TUSC3: variants seen among roughly 807,000 people sequenced by gnomAD.
TUSC3 encodes the protein tumor suppressor candidate 3, also known as dolichyl-diphosphooligosaccharide--protein glycosyltransferase subunit TUSC3.
A neutral mutation model predicts 44.8 loss-of-function variants in TUSC3; 45 were observed. The observed-to-expected ratio is 1.00, with a 90% confidence interval of 0.79 to 1.29. The LOEUF (loss-of-function observed/expected upper bound fraction) is 1.29, where lower values mean the gene tolerates loss of function less well. TUSC3 is among the 50% of genes most tolerant of loss of function. The pLI is 0.00. For synonymous variants in TUSC3, 212 were observed against 152.9 expected, an observed-to-expected ratio of 1.39 and a Z score of -2.85; for missense variants, 519 against 437.9, an observed-to-expected ratio of 1.19 and a Z score of -1.65.
intron 10 of TUSC3, among the ~76,000 whole-genome samples, chr8:15,760,708 C>G (rs778668447): frequency 6.6e-6 from 1 of 152,184 alleles, no homozygotes; most frequent in Non-Finnish European, 1.5e-5. Flanking sequence ...TGCACTACGA[C>G]AGTTCAGCTG....
chr8:15,498,664 T>C (rs1360536129), intron 2 of TUSC3, among the ~76,000 whole-genome samples: 1 of 152,212 alleles, frequency 6.6e-6, no homozygotes, highest in Non-Finnish European at 1.5e-5. Context: ...CCAGTTGCCT[T>C]CTTAGTCAAG....
At chr8:15,807,893 G>A in the TUSC3 span, among the ~76,000 whole-genome samples, 2 of 152,174 alleles carry the variant, frequency 1.3e-5, no homozygotes, top group African/African-American at 2.4e-5. Flanking sequence ...AGCAAGAGTT[G>A]CAAACCTAAC....
chr8:15,769,094 C>CA (rs527919401), downstream of TUSC3, among the ~76,000 whole-genome samples: 2,352 of 151,372 alleles, frequency 0.016, 29 homozygotes, highest in Non-Finnish European at 0.02. Context: ...CATGTGGAAC[C>CA]AAAAAAAAGC....
chr8:15,606,874 A>G (rs1164393615), intron 1 of TUSC3, among the ~76,000 whole-genome samples: 1 of 152,074 alleles, frequency 6.6e-6, no homozygotes, highest in African/African-American at 2.4e-5. Flanking sequence ...ATCCCTTGGT[A>G]CAGTTTTAAC....
intron 2 of TUSC3, among the ~76,000 whole-genome samples, chr8:15,504,524 C>G (rs900179002): frequency 1.1e-4 from 15 of 135,362 alleles, no homozygotes; most frequent in African/African-American, 4.1e-4. Context: ...CTTTAGGTTG[C>G]CAAACAGAAT....
intron 6 of TUSC3, among the ~76,000 whole-genome samples, chr8:15,719,892 C>T (rs1326896436): frequency 6.6e-6 from 1 of 152,026 alleles, no homozygotes; most frequent in Non-Finnish European, 1.5e-5. Context: ...TTCTGTTAAA[C>T]ATGAGTATTG....
chr8:15,680,749 T>G (rs2129185489), intron 6 of TUSC3, among the ~76,000 whole-genome samples: 1 of 152,232 alleles, frequency 6.6e-6, no homozygotes, highest in Non-Finnish European at 1.5e-5. Context: ...CTCTTACTAT[T>G]TTGAAGTATA....
intron 6 of TUSC3, among the ~76,000 whole-genome samples, chr8:15,692,061 G>A (rs963794791): frequency 2.5e-4 from 38 of 152,130 alleles, no homozygotes; most frequent in Admixed American, 4.6e-4. Flanking sequence ...GATTTCAATC[G>A]TGAGCCACCA....
the TUSC3 span, among the ~76,000 whole-genome samples, chr8:15,831,932 A>G: frequency 1.3e-5 from 2 of 152,166 alleles, no homozygotes; most frequent in African/African-American, 4.8e-5. Context: ...CAAATTCAGG[A>G]AATGGAGAGA....
intron 2 of TUSC3, among the ~76,000 whole-genome samples, chr8:15,649,373 A>G (rs1051985967): frequency 2.0e-5 from 3 of 151,772 alleles, no homozygotes; most frequent in African/African-American, 7.3e-5. Flanking sequence ...TCACGAGGTC[A>G]GGAGATCGAG....
chr8:15,691,227 C>A (rs1054821639), intron 6 of TUSC3, among the ~76,000 whole-genome samples: 1 of 151,940 alleles, frequency 6.6e-6, no homozygotes, highest in Non-Finnish European at 1.5e-5. Context: ...CTTTTACCTC[C>A]CTGATAACCT....
At chr8:15,532,925 C>T (rs564564299) in intron 2 of TUSC3, among the ~76,000 whole-genome samples, 20 of 152,176 alleles carry the variant, frequency 1.3e-4, no homozygotes, top group Non-Finnish European at 2.5e-4. Flanking sequence ...CTTGAGTAGC[C>T]GGGATTACAG....
chr8:15,540,312 G>C lies in TUSC3; in HGVS notation c.-119G>C, dbSNP rs1585082274. 1 of 1,327,792 alleles carries C rather than the reference G, an allele frequency of 7.5e-7. No individual in the cohort carries two copies. The allele number at this position is 1,327,792 out of a possible 1,614,324, so 82.3% of individuals were successfully genotyped here. On this transcript the variant is annotated 5_prime_UTR_variant, in exon 1 of 11. Transcript: ENST00000503731. The stretch of plus-strand genomic sequence containing the variant: ...CGCGGCCCGGGTCCCTCGCAAAGCC[G>C]CTGCCATCCCGGAGGGCCCAGCCAG...
At chr8:15,501,398 A>G (rs1397454200) in intron 2 of TUSC3, among the ~76,000 whole-genome samples, 1 of 152,212 alleles carries the variant, frequency 6.6e-6, no homozygotes, top group Non-Finnish European at 1.5e-5. Flanking sequence ...CACTTTGGCA[A>G]TGAGCAAAAC....
At chr8:15,784,044 C>A in the TUSC3 span, among the ~76,000 whole-genome samples, 10 of 151,944 alleles carry the variant, frequency 6.6e-5, no homozygotes, top group African/African-American at 2.2e-4. Context: ...GCAATGGACC[C>A]GAGTAGACAT....
chr8:15,540,556 G>A lies in TUSC3; in HGVS notation c.126G>A (p.Gln42=). Residue 42 remains glutamine, a synonymous_variant, in exon 1 of 11, where the codon CAG becomes CAA. Coordinates refer to ENST00000503731, the MANE Select transcript of TUSC3 (RefSeq NM_006765.4). ...TCTGCATCCAGCTCGGGGGAGGACAGAAGAAAAAGGAGGTAGAATGGATCC... is the reference window on the plus strand; with the variant it reads ...TCTGCATCCAGCTCGGGGGAGGACAAAAGAAAAAGGAGGTAGAATGGATCC... The part of the protein sequence containing the change: ...LLLCIQLGGG[Q]KKKENLLAEK... The A allele has an allele frequency of 6.3e-7, 1 of 1,590,180 alleles. No homozygotes were observed. Among genetic ancestry groups the A allele is most frequent in the South Asian group, 1.1e-5 (1 of 88,634 alleles).
chr8:15,485,673 G>T (rs753594336), intron 2 of TUSC3, among the ~76,000 whole-genome samples: 2 of 152,146 alleles, frequency 1.3e-5, no homozygotes, highest in African/African-American at 4.8e-5. Flanking sequence ...AAGAGTATGT[G>T]TTGGGAATGA....
At chr8:15,636,450 C>T (rs556058918) in intron 2 of TUSC3, among the ~76,000 whole-genome samples, 1 of 152,206 alleles carries the variant, frequency 6.6e-6, no homozygotes, top group South Asian at 2.1e-4. Context: ...TCATCAGATC[C>T]AAGTAGACCA....
the TUSC3 span, among the ~76,000 whole-genome samples, chr8:15,824,814 C>G: frequency 6.6e-6 from 1 of 152,206 alleles, no homozygotes; most frequent in East Asian, 1.9e-4. Context: ...CACAGAATTC[C>G]CATCACAAAT....
Sources: gnomAD v4.1 joint callset for allele counts (sites outside exome capture counted in the v4.1 genomes callset) on GRCh38, gnomAD v4.1.1 for gene constraint, MANE v1.5 for transcripts, NCBI Gene and HGNC (gene_info 2026-07-23, HGNC 2026-07-21) for gene names.